The following RCAN3 variants were observed in gnomAD, a reference collection of about 807,000 sequenced individuals.
RCAN3 encodes regulator of calcineurin 3, also known as calcipressin-3.
RCAN3 carries 19 observed loss-of-function variants against 21.9 expected under a neutral mutation model. The ratio of observed to expected loss-of-function variants is 0.87; its 90% CI spans 0.61 to 1.27. RCAN3 has a LOEUF of 1.27. Among genes scored for constraint, RCAN3 ranks in the 50% most tolerant of loss-of-function variants. The pLI, the probability that RCAN3 is intolerant of heterozygous loss-of-function variation, is 0.00. For synonymous variants in RCAN3, 114 were observed against 112.3 expected, an observed-to-expected ratio of 1.01 and a Z score of -0.09; for missense variants, 240 against 300.1, an observed-to-expected ratio of 0.80 and a Z score of 1.48.
In RCAN3 at chr1:24,525,886, G is replaced by A. The variant is rs979443832; in HGVS notation, c.196-5332G>A. ...GGGCAAAGCTACCAGCTGAGGGCTC[G>A]TAACCATTTTTCACAAATAGGAAAC... On this transcript the variant is annotated intron_variant, in intron 2 of 4. Transcript: ENST00000374395. The surrounding 1 kb of genome is among the most constrained non-coding windows in gnomAD (Gnocchi z 4.1). Among the ~76,000 whole-genome samples, 12 of 152,106 alleles carry A rather than the reference G, an allele frequency of 7.9e-5. No individual in the cohort carries two copies. Among genetic ancestry groups the A allele is most frequent in the African/African-American group, 2.7e-4 (11 of 41,408 alleles).
At chr1:24,523,590 A>G (rs1313186958) in intron 2 of RCAN3, among the ~76,000 whole-genome samples, 3 of 149,074 alleles carry the variant, frequency 2.0e-5, no homozygotes, top group South Asian at 2.1e-4. Context: ...TATCAAATCT[A>G]TATTATTTCT....
At chr1:24,507,211 CT>C (rs1039370212) in intron 1 of RCAN3, among the ~76,000 whole-genome samples, 1 of 152,190 alleles carries the variant, frequency 6.6e-6, no homozygotes, top group African/African-American at 2.4e-5. Context: ...ACCTTGCACC[CT>C]AGCCATGCCA....
intron 2 of RCAN3, among the ~76,000 whole-genome samples, chr1:24,519,621 T>C (rs924103830): frequency 6.6e-6 from 1 of 152,198 alleles, no homozygotes. Flanking sequence ...ATTTGATTTG[T>C]GTTTCTGATT....
chr1:24,525,910 A>G lies in RCAN3; in HGVS notation c.196-5308A>G, dbSNP rs1649216634. 6.6e-6 allele frequency among the ~76,000 whole-genome samples: 1 copy of G among 152,180 alleles called. No homozygotes were observed. Among genetic ancestry groups the G allele is most frequent in the African/African-American group, 2.4e-5 (1 of 41,446 alleles). ...CGTAACCATTTTTCACAAATAGGAA[A>G]CTGATGGTTTTGCCTCCAAGTTAAT... On this transcript the variant is annotated intron_variant, in intron 2 of 4. Transcript: ENST00000374395. This position sits in a 1 kb window ranked among gnomAD's most constrained non-coding sequence, Gnocchi z 4.1.
At chr1:24,532,313 G>A (rs772902534) in intron 3 of RCAN3, among the ~76,000 whole-genome samples, 58 of 151,912 alleles carry the variant, frequency 3.8e-4, no homozygotes, top group Non-Finnish European at 6.3e-4. Flanking sequence ...CACAACCTCC[G>A]CCTCCCAGGT....
intron 2 of RCAN3, among the ~76,000 whole-genome samples, chr1:24,526,058 G>T (rs196412): frequency 3.3e-5 from 5 of 151,870 alleles, no homozygotes; most frequent in Non-Finnish European, 5.9e-5. Context: ...GTAAAAGCTT[G>T]CTAATCGGTT....
chr1:24,517,094 GTTTTTTT>G (rs1396486242), intron 2 of RCAN3, among the ~76,000 whole-genome samples: 3 of 126,348 alleles, frequency 2.4e-5, no homozygotes, highest in African/African-American at 9.6e-5. Flanking sequence ...GTTTTTTTTT[GTTTTTTT>G]TTTGTTTGTT....
intron 1 of RCAN3, among the ~76,000 whole-genome samples, chr1:24,505,339 A>G (rs915106610): frequency 6.9e-6 from 1 of 145,668 alleles, no homozygotes; most frequent in Non-Finnish European, 1.5e-5. Flanking sequence ...TCCCAGGCTC[A>G]AGTATTCCTC....
chr1:24,529,390 TAAAAAAAGAA>T (rs1168554555), intron 2 of RCAN3, among the ~76,000 whole-genome samples: 101 of 149,614 alleles, frequency 6.8e-4, no homozygotes, highest in Admixed American at 8.6e-4. Flanking sequence ...TCATCTCATT[TAAAAAAAGAA>T]AAAAAAAGAA....
intron 1 of RCAN3, among the ~76,000 whole-genome samples, chr1:24,503,594 A>G (rs978186518): frequency 1.3e-5 from 2 of 152,130 alleles, no homozygotes; most frequent in African/African-American, 4.8e-5. Flanking sequence ...GTGACTCCCT[A>G]ACTTCTTGAA....
upstream of RCAN3, among the ~76,000 whole-genome samples, chr1:24,502,642 T>G (rs997301822): frequency 6.6e-6 from 1 of 151,686 alleles, no homozygotes; most frequent in Non-Finnish European, 1.5e-5. Flanking sequence ...TTCGGGGTGA[T>G]CTAAAGCCCC....
chr1:24,533,306 A>G, intron 4 of RCAN3, 52 bp downstream of exon 4: 2 of 1,410,082 alleles, frequency 1.4e-6, no homozygotes, highest in African/African-American at 2.9e-5. Flanking sequence ...TTTTGTATTG[A>G]AGATCGTATT....
At chr1:24,526,346 G>A (rs1159040307) in intron 2 of RCAN3, among the ~76,000 whole-genome samples, 1 of 151,966 alleles carries the variant, frequency 6.6e-6, no homozygotes, top group Non-Finnish European at 1.5e-5. Flanking sequence ...AGGATGAATG[G>A]GCCACTGTGC....
At chr1:24,518,461 T>C (rs879850952) in intron 2 of RCAN3, among the ~76,000 whole-genome samples, 2 of 152,366 alleles carry the variant, frequency 1.3e-5, no homozygotes, top group Admixed American at 6.5e-5. Context: ...ATTTTATGCA[T>C]GTACTCTGCT....
rs1213630587 is a variant in RCAN3 at position 24,540,109 on chromosome 1, C to T, written c.*4832C>T. ...AGAATGCCGTTGTTTCATTGTGAAT[C>T]AGGGGAAAATGTTAATCATTTGGAG... On this transcript the variant is annotated 3_prime_UTR_variant, in exon 5 of 5. Transcript: ENST00000374395. 3.3e-5 allele frequency: 5 copies of T among 152,182 alleles called. No individual in the cohort carries two copies. Among genetic ancestry groups the T allele is most frequent in the Non-Finnish European group, 7.4e-5 (5 of 68,024 alleles). The allele number at this position is 152,182 out of a possible 1,614,324, so 9.4% of individuals were successfully genotyped here. A position where few individuals can be genotyped will look rare whatever the true frequency, so the allele number is the denominator to read the frequency against.
At chr1:24,515,094 C>T (rs1426996840) in intron 2 of RCAN3, among the ~76,000 whole-genome samples, 2 of 152,186 alleles carry the variant, frequency 1.3e-5, no homozygotes, top group African/African-American at 2.4e-5. Flanking sequence ...TCTCCATAGA[C>T]ACTTTAAGAA....
Position 24,537,084 on chromosome 1 carries a change from ATTGGGAATTTT to A in RCAN3, c.*1811_*1821del, listed in dbSNP as rs965756450. The A allele has an allele frequency of 6.6e-6, 1 of 152,180 alleles. No individual in the cohort carries two copies. The highest frequency in any genetic ancestry group is 2.4e-5 in the African/African-American group (1 of 41,442). 9.4% of individuals were successfully genotyped at this position (152,180 alleles called of 1,614,324 possible). A position where few individuals can be genotyped will look rare whatever the true frequency, so the allele number is the denominator to read the frequency against. On this transcript the variant is annotated 3_prime_UTR_variant, in exon 5 of 5. Transcript: ENST00000374395. ...TGCCAGGAGACATGTATTATCAACA[ATTGGGAATTTT>A]TTGAATTTCCTTTTAGGTAATATTG...
chr1:24,529,340 C>T (rs977357491), intron 2 of RCAN3, among the ~76,000 whole-genome samples: 3 of 151,272 alleles, frequency 2.0e-5, no homozygotes, highest in African/African-American at 4.9e-5. Context: ...ATTGCCTGAG[C>T]TCAGGAGTTT....
intron 2 of RCAN3, among the ~76,000 whole-genome samples, chr1:24,523,124 C>T (rs964345108): frequency 3.3e-5 from 5 of 150,396 alleles, no homozygotes; most frequent in African/African-American, 7.4e-5. Flanking sequence ...AGTGTAATGG[C>T]GCAATCTCAG....
Sources: allele counts gnomAD v4.1 joint callset (sites outside exome capture counted in the v4.1 genomes callset), GRCh38; gene constraint gnomAD v4.1.1; non-coding constraint Gnocchi (gnomAD v3.1); transcripts MANE v1.5; gene names NCBI Gene and HGNC (gene_info 2026-07-23, HGNC 2026-07-21).